CASP2: variants seen among roughly 807,000 people sequenced by gnomAD.
The protein encoded by CASP2 is caspase 2, also known as caspase-2.
Under a neutral mutation model 54.4 loss-of-function variants are expected in CASP2, and 38 were observed. The observed-to-expected ratio is 0.70, with a 90% CI of 0.54 to 0.92. The LOEUF (loss-of-function observed/expected upper bound fraction) is 0.92. Ranked by LOEUF, CASP2 falls within the 40% of genes least tolerant of loss-of-function variation. The pLI, the probability that CASP2 is intolerant of heterozygous loss-of-function variation, is 0.00. For synonymous variants in CASP2, 215 were observed against 216.3 expected (o/e 0.99, Z 0.05); for missense variants, 512 against 579.6 (o/e 0.88, Z 1.20).
At position 143,291,594 on chromosome 7, in the gene CASP2, C is replaced by T; in HGVS notation, c.129C>T (p.Asn43=). The T allele has an allele frequency of 6.2e-7, 1 of 1,613,934 alleles. No homozygotes were observed. The highest frequency in any genetic ancestry group is 8.5e-7 in the Non-Finnish European group (1 of 1,179,896). The stretch of plus-strand genomic sequence containing the variant: ...ATCATCAGGAAACTCTAAAAAAGAA[C>T]CGAGTGGTGCTAGCCAAACAGCTGT... ...HPHHQETLKK[N]RVVLAKQLLL... Residue 43 remains asparagine (N), a synonymous_variant, in exon 2 of 11, where the codon AAC becomes AAT. Transcript: ENST00000310447.
intron 4 of CASP2, chr7:143,293,350 ACTT>A (rs745473322): frequency 2.8e-5 from 12 of 428,538 alleles, no homozygotes; most frequent in Non-Finnish European, 4.5e-5. Flanking sequence ...CTGGTGTCAA[ACTT>A]CTGGCCTCAA....
At position 143,305,217 on chromosome 7, in the gene CASP2, C is replaced by G; in HGVS notation, c.*146C>G. On this transcript the variant is annotated 3_prime_UTR_variant, in exon 11 of 11. Coordinates refer to ENST00000310447, the MANE Select transcript of CASP2 (RefSeq NM_032982.4). ...CAGACTTGTTTCCTGTGCCCATCAT[C>G]TCTGCCTTTGAGTGTGGGACTCCAG... is the stretch of plus-strand genomic sequence containing the variant. The G allele has an allele frequency of 9.4e-7, 1 of 1,069,288 alleles. No homozygotes were observed. Among genetic ancestry groups the G allele is most frequent in the Non-Finnish European group, 1.4e-6 (1 of 718,350 alleles). 66.2% of individuals were successfully genotyped at this position (1,069,288 alleles called of 1,614,324 possible). A position where few individuals can be genotyped will look rare whatever the true frequency, so the allele number is the denominator to read the frequency against.
intron 1 of CASP2, among the ~76,000 whole-genome samples, chr7:143,290,055 CT>C (rs35440867): frequency 0.018 from 2,083 of 114,540 alleles, 19 homozygotes; most frequent in African/African-American, 0.068. Context: ...TTTTCCCTCC[CT>C]TTTTTTTTTT....
In CASP2 at chr7:143,289,631, A is replaced by C; in HGVS notation, c.74+1102A>C. 4 of 983,302 alleles carry C rather than the reference A, an allele frequency of 4.1e-6. No individual in the cohort carries two copies. In the South Asian group the frequency reaches 1.9e-4, roughly 46 times the overall value. 60.9% of individuals were successfully genotyped at this position (983,302 alleles called of 1,614,324 possible). On this transcript the variant is annotated intron_variant, in intron 1 of 10. Coordinates refer to ENST00000310447, the MANE Select transcript of CASP2 (RefSeq NM_032982.4). ...AAGGAGCGAATACTACTGGTAAACT[A>C]ATGGAAGAAATCTGCTGCACCACTG...
chr7:143,304,905 T>G (rs1407375206), intron 10 of CASP2, 35 bp from the exon 11 acceptor site: 41 of 1,614,192 alleles, frequency 2.5e-5, no homozygotes, highest in Non-Finnish European at 3.4e-5. Context: ...AGCCCGAGAT[T>G]CTCAGACTTG....
intron 6 of CASP2, among the ~76,000 whole-genome samples, chr7:143,297,726 C>T (rs1479818664): frequency 1.3e-5 from 2 of 152,230 alleles, no homozygotes; most frequent in African/African-American, 2.4e-5. Context: ...GGATTACAGG[C>T]GTGAGCCACC....
intron 10 of CASP2, 75 bp downstream of exon 10, chr7:143,304,858 A>G (rs1586470989): frequency 6.2e-7 from 1 of 1,609,288 alleles, no homozygotes; most frequent in Non-Finnish European, 8.5e-7. Context: ...ATGCTCTTTC[A>G]TAGTCCGTCT....
chr7:143,288,570 G>T, intron 1 of CASP2, 41 bp downstream of exon 1: 1 of 1,538,876 alleles, frequency 6.5e-7, no homozygotes, highest in Non-Finnish European at 9.0e-7. Flanking sequence ...GGGGAGCCCA[G>T]GGAAGGGGAG....
chr7:143,297,750 G>A (rs1200186385), intron 6 of CASP2, among the ~76,000 whole-genome samples: 1 of 152,154 alleles, frequency 6.6e-6, no homozygotes, highest in East Asian at 1.9e-4. Context: ...CCCGGCCTTT[G>A]TTTTCTTCTT....
chr7:143,307,060 G>A lies in CASP2; in HGVS notation c.*1989G>A, dbSNP rs1235034681. ...CCCCACCACTCTTGACTCAGGTGGT[G>A]TCCTTCTTCCTCAAGTCTTGACAAT... On this transcript the variant is annotated 3_prime_UTR_variant, in exon 11 of 11. Coordinates refer to ENST00000310447, the MANE Select transcript of CASP2 (RefSeq NM_032982.4). 6.6e-6 allele frequency: 1 copy of A among 152,270 alleles called. No individual in the cohort carries two copies. The highest frequency in any genetic ancestry group is 1.9e-4 in the East Asian group (1 of 5,192). 9.4% of individuals were successfully genotyped at this position (152,270 alleles called of 1,614,324 possible). A position where few individuals can be genotyped will look rare whatever the true frequency, so the allele number is the denominator to read the frequency against.
chr7:143,292,686 C>T lies in CASP2; in HGVS notation c.463C>T (p.Arg155Cys), dbSNP rs149245237. The change falls in exon 4 of 11, where the codon CGC becomes TGC. Residue 155 changes from arginine to cysteine, a missense_variant. This residue lies in a region of CASP2 where 417 missense variants were observed against 495.4 expected (regional missense o/e 0.84). Coordinates refer to ENST00000310447, the MANE Select transcript of CASP2 (RefSeq NM_032982.4). ...CESCPLYKKL[R>C]LSTDTVEHSL... The stretch of plus-strand genomic sequence containing the variant: ...GTCCTGTCCCCTTTACAAGAAGCTC[C>T]GCCTGTCGACAGGTGAGAATTGATG... 34 of 1,612,322 alleles carry T rather than the reference C, an allele frequency of 2.1e-5. No individual in the cohort carries two copies. Among genetic ancestry groups the T allele is most frequent in the African/African-American group, 4.0e-5 (3 of 74,870 alleles).
intron 6 of CASP2, among the ~76,000 whole-genome samples, chr7:143,297,608 G>A (rs1456022241): frequency 1.3e-5 from 2 of 151,974 alleles, no homozygotes; most frequent in East Asian, 3.9e-4. Context: ...CACCACGCCC[G>A]GCTAATTTTT....
chr7:143,291,567 T>C lies in CASP2; in HGVS notation c.102T>C (p.Pro34=). Residue 34 remains proline (P), a synonymous_variant, in exon 2 of 11, where the codon CCT becomes CCC. Transcript: ENST00000310447. ...RRILGVCGMH[P]HHQETLKKNR... ...TATTGGGAGTGTGTGGCATGCATCC[T>C]CATCATCAGGAAACTCTAAAAAAGA... The C allele has an allele frequency of 6.2e-7, 1 of 1,614,100 alleles. No homozygotes were observed. Among genetic ancestry groups the C allele is most frequent in the Non-Finnish European group, 8.5e-7 (1 of 1,179,990 alleles).
At chr7:143,296,307 A>T (rs976769906) in intron 6 of CASP2, among the ~76,000 whole-genome samples, 2 of 152,320 alleles carry the variant, frequency 1.3e-5, no homozygotes, top group Non-Finnish European at 2.9e-5. Flanking sequence ...GCACCTTATA[A>T]TGGGGGACTA....
rs1312601617 is a variant in CASP2 at position 143,288,428 on chromosome 7, G to T, written c.-28G>T. The stretch of plus-strand genomic sequence containing the variant: ...GGTTTGTTTGGGCTGTGGGCGGTGC[G>T]CAGCGGAGAGCCCGGGAAAAGCGGG... On this transcript the variant is annotated 5_prime_UTR_variant, in exon 1 of 11. Transcript: ENST00000310447. 1 of 1,609,912 alleles carries T rather than the reference G, an allele frequency of 6.2e-7. No homozygotes were observed. Among genetic ancestry groups the T allele is most frequent in the Non-Finnish European group, 8.5e-7 (1 of 1,177,974 alleles).
chr7:143,291,780 C>CTTTTT (rs777186983), intron 2 of CASP2, 90 bp downstream of exon 2: 4,325 of 421,454 alleles, frequency 0.01, 216 homozygotes, highest in African/African-American at 0.066. Flanking sequence ...ATCTTTCTTC[C>CTTTTT]TTTTTTTTTT....
At position 143,304,679 on chromosome 7, in the gene CASP2, G is replaced by T. The variant is rs768618703; in HGVS notation, c.1123G>T (p.Ala375Ser). ...ICGYACLKGT[A>S]AMRNTKRGSW... ...TAATGCCCTTTTGGTTGCAGGGACT[G>T]CCGCCATGCGGAACACCAAACGAGG... The change falls in exon 10 of 11, where the codon GCC becomes TCC. Residue 375 changes from alanine (A) to serine (S), a missense_variant. This residue lies in a region of CASP2 where 417 missense variants were observed against 495.4 expected (regional missense o/e 0.84). Coordinates refer to ENST00000310447, the MANE Select transcript of CASP2 (RefSeq NM_032982.4). 6.2e-7 allele frequency: 1 copy of T among 1,613,444 alleles called. No homozygotes were observed. Among genetic ancestry groups the T allele is most frequent in the Admixed American group, 1.7e-5 (1 of 60,028 alleles).
chr7:143,302,312 G>A lies in CASP2; in HGVS notation c.968-1472G>A, dbSNP rs1345989032. 5 of 152,288 alleles carry A rather than the reference G, an allele frequency of 3.3e-5. No individual in the cohort carries two copies. In the East Asian group the frequency reaches 9.6e-4, roughly 29 times the overall value. The allele number at this position is 152,288 out of a possible 1,614,324, so 9.4% of individuals were successfully genotyped here. On this transcript the variant is annotated intron_variant, in intron 8 of 10. Transcript: ENST00000310447. ...ATACACTATTGGATCTGGATAAGGA[G>A]TAATTGCTCTTTTCTGGAGTAATCT...
At chr7:143,292,901 C>T (rs1801620514) in intron 4 of CASP2, among the ~76,000 whole-genome samples, 1 of 152,132 alleles carries the variant, frequency 6.6e-6, no homozygotes, top group Admixed American at 6.5e-5. Flanking sequence ...ATCCCAGCTA[C>T]TCGGGAAGCT....
Sources: gnomAD v4.1 joint callset for allele counts (sites outside exome capture counted in the v4.1 genomes callset) on GRCh38, gnomAD v4.1.1 for gene constraint, gnomAD v4.1.1 regional missense constraint, MANE v1.5 for transcripts, NCBI Gene and HGNC (gene_info 2026-07-23, HGNC 2026-07-21) for gene names.